NSD1: variants seen among roughly 807,000 people sequenced by gnomAD.
NSD1 encodes the protein nuclear receptor binding SET domain protein 1.
In NSD1, 26 loss-of-function variants were observed where a neutral mutation model predicts 242.7. The ratio of observed to expected loss-of-function variants is 0.11; its 90% CI spans 0.08 to 0.15. The LOEUF is 0.15. Ranked by LOEUF, NSD1 falls within the 10% of genes least tolerant of loss-of-function variation. The probability of loss-of-function intolerance (pLI) is 1.00; values close to 1 mark genes in which losing one functional copy is unlikely to be tolerated. For missense variants in NSD1, 2,495 were observed against 3,272.8 expected (o/e 0.76, Z 5.80); for synonymous variants, 1,106 against 1,178.1 (o/e 0.94, Z 1.25).
At chr5:177,267,889 C>T (rs776572746) in intron 15 of NSD1, among the ~76,000 whole-genome samples, 171 bp downstream of exon 15, 7 of 150,076 alleles carry the variant, frequency 4.7e-5, no homozygotes, top group Non-Finnish European at 1.0e-4. Context: ...TTATGATTTA[C>T]AATTATAGGA....
At chr5:177,260,832 C>T (rs1242721764) in intron 14 of NSD1, among the ~76,000 whole-genome samples, 3 of 151,890 alleles carry the variant, frequency 2.0e-5, no homozygotes, top group African/African-American at 7.3e-5. Flanking sequence ...TTATTCCAGA[C>T]ATTCATGCAT....
At chr5:177,284,160 T>C (rs1759113560) in intron 20 of NSD1, among the ~76,000 whole-genome samples, 1 of 152,230 alleles carries the variant, frequency 6.6e-6, no homozygotes, top group African/African-American at 2.4e-5. Context: ...TTCTTCTTTT[T>C]CTTCACAGCC....
rs115100216 is a variant in NSD1, at chr5:177,173,022, G to A, written c.928-18862G>A. 3.3e-3 allele frequency among the ~76,000 whole-genome samples: 496 copies of A among 150,308 alleles called. 5 individuals carry two copies. Among genetic ancestry groups the A allele is most frequent in the African/African-American group, 0.011 (445 of 40,884 alleles). On this transcript the variant is annotated intron_variant, in intron 2 of 22. Transcript: ENST00000439151. ...ATGTTAGAATTAAATTAAGCCGGGC[G>A]CGGTGGCTCACGTGTAATCCCATCA... is the stretch of plus-strand genomic sequence containing the variant.
At chr5:177,282,864 C>G (rs1471208913) in intron 19 of NSD1, among the ~76,000 whole-genome samples, 1 of 152,144 alleles carries the variant, frequency 6.6e-6, no homozygotes, top group African/African-American at 2.4e-5. Flanking sequence ...AGTTTGAACT[C>G]AGAAAAGTAC....
rs58025377 is a variant in NSD1, at chr5:177,155,561, CTTTTT to C, written c.927+19548_927+19552del. On this transcript the variant is annotated intron_variant, in intron 2 of 22. Transcript: ENST00000439151. ...TTATAGGCATAAGCCACCGCACTGGCTTTTTTTTTTTTTTTTTTTTTAAACCTGGA... is the reference window on the plus strand; with the variant it reads ...TTATAGGCATAAGCCACCGCACTGGCTTTTTTTTTTTTTTTTAAACCTGGA... Among the ~76,000 whole-genome samples, 7 of 96,606 alleles carry C rather than the reference CTTTTT, an allele frequency of 7.2e-5. No homozygotes were observed. In the East Asian group the frequency reaches 1.3e-3, roughly 17 times the overall value. 63.4% of individuals were successfully genotyped at this position (96,606 alleles called of 152,430 possible).
intron 2 of NSD1, among the ~76,000 whole-genome samples, chr5:177,155,634 C>G (rs142891741): frequency 9.3e-4 from 137 of 146,832 alleles, no homozygotes; most frequent in African/African-American, 3.2e-3. Context: ...CCTGTTCATA[C>G]ATTCTGAAAG....
intron 2 of NSD1, among the ~76,000 whole-genome samples, chr5:177,168,035 T>C (rs1008099786): frequency 2.0e-5 from 3 of 152,216 alleles, no homozygotes; most frequent in Admixed American, 2.0e-4. Flanking sequence ...GGAATTTTCA[T>C]CGGGATTCCA....
intron 2 of NSD1, among the ~76,000 whole-genome samples, chr5:177,164,135 C>G (rs1758977009): frequency 6.9e-6 from 1 of 145,426 alleles, no homozygotes; most frequent in African/African-American, 2.5e-5. Flanking sequence ...CTGTTCTTCA[C>G]AGGAAAATGT....
At chr5:177,190,888 C>T (rs1247265830) in intron 2 of NSD1, among the ~76,000 whole-genome samples, 1 of 150,204 alleles carries the variant, frequency 6.7e-6, no homozygotes, top group African/African-American at 2.5e-5. Flanking sequence ...AGGATGGTCT[C>T]GATTTCCTGA....
intron 6 of NSD1, 24 bp downstream of exon 6, chr5:177,235,969 C>G (rs376560190): frequency 8.9e-5 from 144 of 1,613,280 alleles, no homozygotes; most frequent in Non-Finnish European, 1.2e-4. Flanking sequence ...TTTCAGCAAA[C>G]TTTCACTGGT....
At chr5:177,208,118 A>G (rs1025615272) in intron 4 of NSD1, among the ~76,000 whole-genome samples, 1 of 152,136 alleles carries the variant, frequency 6.6e-6, no homozygotes, top group Non-Finnish European at 1.5e-5. Flanking sequence ...ATATTAAACT[A>G]TTTGTGAACA....
In NSD1 at chr5:177,135,732, A is replaced by G; in HGVS notation, c.629A>G (p.Glu210Gly). The G allele has an allele frequency of 6.2e-7, 1 of 1,614,240 alleles. No homozygotes were observed. Among genetic ancestry groups the G allele is most frequent in the East Asian group, 2.2e-5 (1 of 44,892 alleles). The change falls in exon 2 of 23, where the codon GAA becomes GGA. Residue 210 changes from glutamate (E) to glycine (G), a missense_variant. Around this residue, in one of 19 missense-constraint regions of NSD1, gnomAD observed 376 missense variants for 367.4 expected, o/e 1.02. Coordinates refer to ENST00000439151, the MANE Select transcript of NSD1 (RefSeq NM_022455.5). ...GGTGTAAAAGTGGCCATGGGAAGTG[A>G]ACAAGACAGCACACCAGAGAGTAGA... ...ENGVKVAMGS[E>G]QDSTPESRHG...
intron 3 of NSD1, among the ~76,000 whole-genome samples, chr5:177,203,241 T>C (rs770221272): frequency 2.6e-5 from 4 of 152,222 alleles, no homozygotes; most frequent in African/African-American, 7.2e-5. Context: ...TGTGACACTT[T>C]TTAGTGTAAT....
chr5:177,167,899 T>C (rs1407250232), intron 2 of NSD1, among the ~76,000 whole-genome samples: 1 of 152,164 alleles, frequency 6.6e-6, no homozygotes, highest in African/African-American at 2.4e-5. Flanking sequence ...TGTTTAGGCT[T>C]CCTACAGTTG....
chr5:177,158,293 C>CTTTCTTTCCTTTTCT (rs1758349874), intron 2 of NSD1, among the ~76,000 whole-genome samples: 4 of 77,674 alleles, frequency 5.1e-5, no homozygotes, highest in African/African-American at 1.9e-4. Flanking sequence ...TTCTTTCTTT[C>CTTTCTTTCCTTTTCT]TTTCTTTCTT....
chr5:177,181,178 T>C (rs940968901), intron 2 of NSD1, among the ~76,000 whole-genome samples: 2 of 151,740 alleles, frequency 1.3e-5, no homozygotes, highest in Non-Finnish European at 2.9e-5. Flanking sequence ...TACAGGCACC[T>C]GCCACCAAAG....
At chr5:177,283,726 A>G in intron 19 of NSD1, 61 bp from the exon 20 acceptor site, 1 of 1,587,106 alleles carries the variant, frequency 6.3e-7, no homozygotes. Flanking sequence ...AGAATAGTCA[A>G]ATTTTAATCC....
Position 177,260,480 on chromosome 5 carries a change from G to C in NSD1, c.5146+312G>C, listed in dbSNP as rs564235014. On this transcript the variant is annotated intron_variant, in intron 14 of 22. Coordinates refer to ENST00000439151, the MANE Select transcript of NSD1 (RefSeq NM_022455.5). ...TCCTGCCTCAGCCTCCCAAGTAGCT[G>C]GGATTACAGGTGCCCGCCACCATGC... 6.5e-4 allele frequency among the ~76,000 whole-genome samples: 99 copies of C among 151,244 alleles called. 1 individual carries two copies. In the South Asian group the frequency reaches 0.012, roughly 19 times the overall value.
intron 21 of NSD1, among the ~76,000 whole-genome samples, chr5:177,291,379 G>T (rs146949654): frequency 1.3e-5 from 2 of 152,336 alleles, no homozygotes; most frequent in African/African-American, 4.8e-5. Context: ...CTTTGGCCAG[G>T]TGCGGTGGCT....
Sources: gnomAD v4.1 joint callset for allele counts (sites outside exome capture counted in the v4.1 genomes callset) on GRCh38, gnomAD v4.1.1 for gene constraint, gnomAD v4.1.1 regional missense constraint, MANE v1.5 for transcripts, NCBI Gene and HGNC (gene_info 2026-07-23, HGNC 2026-07-21) for gene names.